The following TMPRSS9 variants were observed in gnomAD, a reference collection of about 807,000 sequenced individuals.
TMPRSS9 encodes transmembrane serine protease 9.
Under a neutral mutation model 111.4 loss-of-function variants are expected in TMPRSS9, and 113 were observed. That is an observed-to-expected ratio of 1.01 (90% CI 0.87 to 1.19). The LOEUF (loss-of-function observed/expected upper bound fraction) is 1.19. Among genes scored for constraint, TMPRSS9 ranks in the 50% most tolerant of loss-of-function variants. TMPRSS9 has a pLI of 0.00. For missense variants in TMPRSS9, 1,803 were observed against 1,513.1 expected, an observed-to-expected ratio of 1.19 and a Z score of -3.18; for synonymous variants, 805 against 659.1, an observed-to-expected ratio of 1.22 and a Z score of -3.39.
intron 15 of TMPRSS9, 34 bp from the exon 17 acceptor site, chr19:2,424,968 C>A: frequency 6.9e-7 from 1 of 1,448,704 alleles, no homozygotes; most frequent in Non-Finnish European, 9.0e-7. Context: ...GGCGTGGGGG[C>A]TCGGGCCGAC....
chr19:2,375,993 C>T (rs1021506014), intron 1 of TMPRSS9, among the ~76,000 whole-genome samples: 3 of 152,186 alleles, frequency 2.0e-5, no homozygotes, highest in Admixed American at 2.0e-4. Context: ...GTAAACCATT[C>T]GGCTCTCTCC....
At chr19:2,382,434 A>G (rs2145263790) in intron 1 of TMPRSS9, among the ~76,000 whole-genome samples, 1 of 152,308 alleles carries the variant, frequency 6.6e-6, no homozygotes, top group South Asian at 2.1e-4. Context: ...GCCCGGTCAA[A>G]ACATTTTTTT....
In TMPRSS9 at chr19:2,413,672, ATCCTGAGGGTGTGTGTTGGTT is replaced by A; in HGVS notation, c.1255-23_1255-3del. 1 of 1,580,664 alleles carries A rather than the reference ATCCTGAGGGTGTGTGTTGGTT, an allele frequency of 6.3e-7. No homozygotes were observed. The highest frequency in any genetic ancestry group is 8.6e-7 in the Non-Finnish European group (1 of 1,157,242). ...TGTCTGGACTGGCTGCTGCCGACCCATCCTGAGGGTGTGTGTTGGTTTCCTAGGGTGACTCAGGAGGACCCC... is the reference window on the plus strand; with the variant it reads ...TGTCTGGACTGGCTGCTGCCGACCCATCCTAGGGTGACTCAGGAGGACCCC... On this transcript the variant is annotated splice_polypyrimidine_tract_variant and splice_region_variant and intron_variant, in intron 9 of 17. Coordinates refer to ENST00000648592, the Ensembl canonical transcript of TMPRSS9.
At chr19:2,389,726 G>T, upstream of TMPRSS9, 2 of 1,558,102 alleles carry the variant, frequency 1.3e-6, no homozygotes, top group South Asian at 2.3e-5. Context: ...TTCAGCCTCT[G>T]ACCCCGTGTT....
intron 4 of TMPRSS9, among the ~76,000 whole-genome samples, chr19:2,401,163 G>A (rs1159471331): frequency 4.2e-4 from 64 of 151,542 alleles, no homozygotes; most frequent in Admixed American, 2.2e-3. Context: ...AGTCCCAGCT[G>A]CTTGGGACGC....
At chr19:2,396,807 C>T in intron 2 of TMPRSS9, 141 bp downstream of exon 3, 5 of 1,274,010 alleles carry the variant, frequency 3.9e-6, no homozygotes, top group South Asian at 1.5e-5. Context: ...GGAGGCCAGG[C>T]CAGGGGGCGG....
chr19:2,373,378 G>C (rs747340780), intron 1 of TMPRSS9, among the ~76,000 whole-genome samples: 1 of 151,934 alleles, frequency 6.6e-6, no homozygotes, highest in African/African-American at 2.4e-5. Context: ...TTACAGGCAC[G>C]CCACCACACT....
intron 1 of TMPRSS9, among the ~76,000 whole-genome samples, chr19:2,364,001 GGA>G: frequency 6.6e-6 from 1 of 151,908 alleles, no homozygotes; most frequent in East Asian, 1.9e-4. Flanking sequence ...TACACCAACA[GGA>G]CGCTGTTGGT....
chr19:2,380,096 C>G (rs1970374930), intron 1 of TMPRSS9, among the ~76,000 whole-genome samples: 1 of 151,970 alleles, frequency 6.6e-6, no homozygotes. Flanking sequence ...GGGCCAGTGG[C>G]TGCCATTTTG....
chr19:2,423,475 G>T (rs193277520), intron 14 of TMPRSS9, among the ~76,000 whole-genome samples: 2 of 126,608 alleles, frequency 1.6e-5, no homozygotes, highest in African/African-American at 2.9e-5. Flanking sequence ...GGTGGGGGGC[G>T]GGGGGGACCC....
intron 1 of TMPRSS9, among the ~76,000 whole-genome samples, chr19:2,361,931 G>A (rs1217083580): frequency 6.6e-6 from 1 of 152,190 alleles, no homozygotes; most frequent in African/African-American, 2.4e-5. Context: ...GCCTTCCTGG[G>A]GGCCTGGCTG....
intron 1 of TMPRSS9, among the ~76,000 whole-genome samples, chr19:2,369,535 C>T (rs1250537176): frequency 2.0e-5 from 3 of 151,964 alleles, no homozygotes; most frequent in Admixed American, 6.6e-5. Context: ...AGTGATCTTC[C>T]TGCCTCAGCC....
intron 8 of TMPRSS9, among the ~76,000 whole-genome samples, chr19:2,409,083 C>A (rs2145353656): frequency 6.7e-6 from 1 of 150,094 alleles, no homozygotes; most frequent in South Asian, 2.1e-4. Flanking sequence ...ATTCTGTATT[C>A]ACGAATTCCA....
At chr19:2,366,983 C>T (rs913759929) in intron 1 of TMPRSS9, among the ~76,000 whole-genome samples, 1 of 152,046 alleles carries the variant, frequency 6.6e-6, no homozygotes, top group Non-Finnish European at 1.5e-5. Flanking sequence ...AGTTCCTCAC[C>T]ACATGGGAAT....
intron 1 of TMPRSS9, among the ~76,000 whole-genome samples, chr19:2,365,536 C>T (rs1274009942): frequency 6.6e-6 from 1 of 151,598 alleles, no homozygotes; most frequent in Non-Finnish European, 1.5e-5. Flanking sequence ...TGCCGTGGGA[C>T]CAAAGATGCG....
intron 1 of TMPRSS9, among the ~76,000 whole-genome samples, chr19:2,376,236 A>C (rs566440588): frequency 1.8e-4 from 27 of 152,090 alleles, no homozygotes; most frequent in Non-Finnish European, 3.4e-4. Flanking sequence ...AGCCTCTTCC[A>C]GTCTCCCTGA....
At chr19:2,421,825 C>G (rs1971467501) in intron 13 of TMPRSS9, 29 bp from the exon 15 acceptor site, 1 of 1,559,674 alleles carries the variant, frequency 6.4e-7, no homozygotes. Flanking sequence ...CCCTGGAGGA[C>G]CAACCAGTGC....
At chr19:2,412,676 C>T (rs1297209933) in intron 9 of TMPRSS9, among the ~76,000 whole-genome samples, 5 of 152,090 alleles carry the variant, frequency 3.3e-5, no homozygotes, top group Admixed American at 2.0e-4. Flanking sequence ...GTCAGCCTCT[C>T]GTGAGTCTTC....
intron 1 of TMPRSS9, among the ~76,000 whole-genome samples, chr19:2,384,465 C>G (rs1970430577): frequency 6.6e-6 from 1 of 151,284 alleles, no homozygotes; most frequent in Non-Finnish European, 1.5e-5. Context: ...CACCCGGGGT[C>G]AGGAATTCGA....
Sources: allele counts gnomAD v4.1 joint callset (sites outside exome capture counted in the v4.1 genomes callset), GRCh38; gene constraint gnomAD v4.1.1; transcripts MANE v1.5; gene names NCBI Gene and HGNC (gene_info 2026-07-23, HGNC 2026-07-21).